The following ALPK2 variants were observed in gnomAD, a reference collection of about 807,000 sequenced individuals.
The protein encoded by ALPK2 is alpha-protein kinase 2.
A neutral mutation model predicts 163.1 loss-of-function variants in ALPK2; 127 were observed. That is an observed-to-expected ratio of 0.78 (90% confidence interval 0.67 to 0.90). ALPK2 has a LOEUF of 0.90. Among genes scored for constraint, ALPK2 ranks in the 40% least tolerant of loss-of-function variants. ALPK2 has a pLI of 0.00. For synonymous variants in ALPK2, 953 were observed against 959.1 expected (o/e 0.99, Z 0.12); for missense variants, 2,360 against 2,589.6 (o/e 0.91, Z 1.92).
In ALPK2 at chr18:58,579,416, C is replaced by G. The variant is rs952999196; in HGVS notation, c.1360G>C (p.Ala454Pro). 22 of 1,614,038 alleles carry G rather than the reference C, an allele frequency of 1.4e-5. No homozygotes were observed. The highest frequency in any genetic ancestry group is 1.8e-5 in the Non-Finnish European group (21 of 1,180,034). Residue 454 changes from alanine to proline, a missense_variant, in exon 4 of 13, where the codon GCT (alanine) becomes CCT (proline). Physicochemically the swap from Ala to Pro is conservative, Grantham distance 27. Coordinates refer to ENST00000361673, the MANE Select transcript of ALPK2 (RefSeq NM_052947.4). The part of the protein sequence containing the change: ...TEQGRYKLPT[A>P]PEAAENDYPG... ...TAATCATTTTCAGCAGCCTCGGGAGCAGTGGGGAGTTTATATCTCCCCTGT... is the reference window on the plus strand; with the variant it reads ...TAATCATTTTCAGCAGCCTCGGGAGGAGTGGGGAGTTTATATCTCCCCTGT...
rs547762850 is a variant in ALPK2 at position 58,583,619 on chromosome 18, G to A, written c.228-3071C>T. ...AGTTGAGCCTATGAGTTCAAGACCT[G>A]CCTGGGAAACATGGCAAGACTCCAT... On this transcript the variant is annotated intron_variant, in intron 3 of 12. Transcript: ENST00000361673. 2.0e-5 allele frequency among the ~76,000 whole-genome samples: 3 copies of A among 151,848 alleles called. No individual in the cohort carries two copies. The South Asian group carries it at 6.3e-4, about 32-fold the overall frequency.
intron 2 of ALPK2, among the ~76,000 whole-genome samples, chr18:58,609,563 AG>A (rs1433713315): frequency 6.6e-6 from 1 of 152,150 alleles, no homozygotes; most frequent in Non-Finnish European, 1.5e-5. Context: ...CAGGCTGATG[AG>A]GGCTGATTGA....
chr18:58,605,955 A>T (rs1048164639), intron 3 of ALPK2, among the ~76,000 whole-genome samples: 1 of 152,272 alleles, frequency 6.6e-6, no homozygotes, highest in African/African-American at 2.4e-5. Flanking sequence ...TGCCTGAAGA[A>T]TATTATCTAA....
chr18:58,500,830 G>C (rs1167906325), intron 11 of ALPK2, among the ~76,000 whole-genome samples: 1 of 151,540 alleles, frequency 6.6e-6, no homozygotes, highest in Non-Finnish European at 1.5e-5. Context: ...TGAGTTTTTT[G>C]GGTGACAGCT....
At position 58,580,068 on chromosome 18, in the gene ALPK2, A is replaced by C. The variant is rs375182355; in HGVS notation, c.708T>G (p.His236Gln). 6.2e-7 allele frequency: 1 copy of C among 1,614,272 alleles called. No homozygotes were observed. The highest frequency in any genetic ancestry group is 1.3e-5 in the African/African-American group (1 of 75,076). Residue 236 changes from histidine to glutamine, a missense_variant, in exon 4 of 13, where the codon CAT (histidine) becomes CAG (glutamine). His to Gln is a conservative substitution (Grantham distance 24). Transcript: ENST00000361673. ...CATCCGTGAACTTTGATGCCATGGA[A>C]TGCACTGTCTTGTGGCAACATCTGT... ...KQDRCCHKTV[H>Q]SMASKFTDGD... is the part of the protein sequence containing the mutation.
rs769741739 is a variant in ALPK2 at position 58,481,642 on chromosome 18, T to G, written c.*181A>C. 3.1e-5 allele frequency: 19 copies of G among 612,368 alleles called. No homozygotes were observed. Among genetic ancestry groups the G allele is most frequent in the Non-Finnish European group, 4.7e-5 (16 of 340,334 alleles). The allele number at this position is 612,368 out of a possible 1,614,324, so 37.9% of individuals were successfully genotyped here. On this transcript the variant is annotated 3_prime_UTR_variant, in exon 13 of 13. Transcript: ENST00000361673. ...ATAAACCTGGTCGCAAATCCTGTTC[T>G]GAAATCATTTGAGTGAAGACAGCAG...
intron 11 of ALPK2, among the ~76,000 whole-genome samples, chr18:58,499,668 C>T (rs2051421439): frequency 6.6e-6 from 1 of 152,250 alleles, no homozygotes; most frequent in African/African-American, 2.4e-5. Flanking sequence ...CATAGTGCCA[C>T]CCCACCAGTG....
At chr18:58,515,143 A>G (rs1426959810) in intron 9 of ALPK2, 62 bp from the exon 10 acceptor site, 2 of 1,268,968 alleles carry the variant, frequency 1.6e-6, no homozygotes, top group Non-Finnish European at 2.2e-6. Context: ...AGTATTGCCC[A>G]GTAAGACTAT....
At position 58,536,871 on chromosome 18, in the gene ALPK2, G is replaced by A; in HGVS notation, c.3316C>T (p.Leu1106=). The A allele has an allele frequency of 1.9e-6, 3 of 1,614,174 alleles. No homozygotes were observed. The highest frequency in any genetic ancestry group is 2.5e-6 in the Non-Finnish European group (3 of 1,180,026). Residue 1106 remains leucine (L), a synonymous_variant, in exon 5 of 13, where the codon CTG becomes TTG. Coordinates refer to ENST00000361673, the MANE Select transcript of ALPK2 (RefSeq NM_052947.4). ...CSNSPLQVDN[L]SGDKSQTVDR... ...ACAGTCTGGCTCTTATCTCCAGACA[G>A]GTTATCAACCTGAAGAGGGGAATTA... is the stretch of plus-strand genomic sequence containing the variant.
rs1602207535 is a variant in ALPK2 at position 58,537,577 on chromosome 18, C to T, written c.2610G>A (p.Glu870=). Residue 870 remains glutamate (E), a synonymous_variant, in exon 5 of 13, where the codon GAG becomes GAA. Transcript: ENST00000361673. ...LEVFFQTQVS[E]TSVSTCKSSK... is the part of the protein sequence containing the mutation. ...TGCTTTTGCACGTAGACACTGAAGT[C>T]TCAGACACTTGTGTCTGAAAAAAGA... is the stretch of plus-strand genomic sequence containing the variant. 18 of 1,613,878 alleles carry T rather than the reference C, an allele frequency of 1.1e-5. No individual in the cohort carries two copies. Among genetic ancestry groups the T allele is most frequent in the Non-Finnish European group, 1.4e-5 (17 of 1,179,902 alleles).
rs753071758 is a variant in ALPK2, at chr18:58,579,076, G to T, written c.1700C>A (p.Ala567Asp). The T allele has an allele frequency of 1.6e-5, 26 of 1,614,070 alleles. No homozygotes were observed. The Admixed American group carries it at 4.3e-4, about 27-fold the overall frequency. The change falls in exon 4 of 13, where the codon GCC (alanine) becomes GAC (aspartate). Residue 567 changes from alanine to aspartate, a missense_variant. Coordinates refer to ENST00000361673, the MANE Select transcript of ALPK2 (RefSeq NM_052947.4). ...TTEGTLHLCS[A>D]KESAEPPLTQ... is the part of the protein sequence containing the mutation. ...TAGTGGGGGCTCAGCAGATTCTTTGGCAGAGCAGAGATGAAGGGTACCTTC... is the reference window on the plus strand; with the variant it reads ...TAGTGGGGGCTCAGCAGATTCTTTGTCAGAGCAGAGATGAAGGGTACCTTC...
At chr18:58,532,059 TGTTGATTC>T (rs1423227160) in intron 5 of ALPK2, among the ~76,000 whole-genome samples, 3 of 151,862 alleles carry the variant, frequency 2.0e-5, no homozygotes, top group Non-Finnish European at 4.4e-5. Context: ...TCATCATCTG[TGTTGATTC>T]GTATGGATTA....
intron 11 of ALPK2, among the ~76,000 whole-genome samples, chr18:58,499,031 G>T (rs1056210292): frequency 5.3e-5 from 8 of 152,146 alleles, no homozygotes; most frequent in African/African-American, 1.9e-4. Flanking sequence ...TTTCTGGGTG[G>T]TCAGTGTTAG....
intron 4 of ALPK2, among the ~76,000 whole-genome samples, chr18:58,559,868 G>C (rs7227563): frequency 0.53 from 80,214 of 152,084 alleles, 21,634 homozygotes; most frequent in African/African-American, 0.62. Flanking sequence ...ATGTTATTTT[G>C]AAATTACCTA....
intron 4 of ALPK2, chr18:58,578,583 A>G (rs973459664): frequency 2.4e-6 from 1 of 421,754 alleles, no homozygotes; most frequent in Non-Finnish European, 4.1e-6. Context: ...TATAATTAGG[A>G]TGGCTTAGGG....
In ALPK2 at chr18:58,537,932, GA is replaced by G. The variant is rs752880485; in HGVS notation, c.2254del (p.Ser752ProfsTer68). ...SISEANDETM[S>X]PGVFSRHLPK... ...GAGATGCCTTGAGAACACACCTGGG[GA>G]CATAGTCTCATCATTGGCTTCTGAG... On this transcript the variant is annotated frameshift_variant, in exon 5 of 13. Transcript: ENST00000361673. LOFTEE classifies it high-confidence loss of function. The G allele has an allele frequency of 1.9e-6, 3 of 1,614,170 alleles. No homozygotes were observed. The highest frequency in any genetic ancestry group is 3.3e-5 in the Admixed American group (2 of 60,034).
At chr18:58,554,127 TGGGATTACA>T (rs974279391) in intron 4 of ALPK2, among the ~76,000 whole-genome samples, 1 of 152,184 alleles carries the variant, frequency 6.6e-6, no homozygotes, top group Non-Finnish European at 1.5e-5. Context: ...CCCAAAATGC[TGGGATTACA>T]GGCATGAGCC....
intron 3 of ALPK2, among the ~76,000 whole-genome samples, chr18:58,585,275 T>G (rs763071421): frequency 1.6e-4 from 25 of 152,242 alleles, no homozygotes; most frequent in Admixed American, 4.6e-4. Flanking sequence ...AATAAAAAAT[T>G]TTTAACTATT....
At chr18:58,584,076 A>T (rs1015949301) in intron 3 of ALPK2, among the ~76,000 whole-genome samples, 6 of 152,124 alleles carry the variant, frequency 3.9e-5, no homozygotes, top group African/African-American at 1.4e-4. Context: ...ACTCTATTTA[A>T]ATTCTTAACA....
Sources: allele counts gnomAD v4.1 joint callset (sites outside exome capture counted in the v4.1 genomes callset), GRCh38; gene constraint gnomAD v4.1.1; transcripts MANE v1.5; gene names NCBI Gene and HGNC (gene_info 2026-07-23, HGNC 2026-07-21).